Variants in ZNF475 observed in about 807,000 individuals in gnomAD.
ZNF475 encodes zinc finger protein 475.
At chr5:122,166,188 A>C in the ZNF475 span, among the ~76,000 whole-genome samples, 5 of 152,358 alleles carry the variant, frequency 3.3e-5, no homozygotes, top group East Asian at 9.6e-4. Flanking sequence ...ATGGTGTGAC[A>C]CAAGGGGAGC....
the ZNF475 span, among the ~76,000 whole-genome samples, chr5:122,163,555 A>G: frequency 1.3e-5 from 2 of 152,242 alleles, no homozygotes; most frequent in African/African-American, 4.8e-5. Flanking sequence ...GGAAGGAATC[A>G]GGAGTGTGGA....
chr5:122,174,467 G>A, the ZNF475 span, among the ~76,000 whole-genome samples: 1 of 152,178 alleles, frequency 6.6e-6, no homozygotes, highest in Admixed American at 6.5e-5. Flanking sequence ...CTAGAGCATG[G>A]CTTAGGAGTA....
At chr5:122,174,318 G>C in the ZNF475 span, among the ~76,000 whole-genome samples, 1 of 152,222 alleles carries the variant, frequency 6.6e-6, no homozygotes, top group Admixed American at 6.5e-5. Flanking sequence ...CCACAAGTTG[G>C]AGATTGCTCA....
chr5:122,172,990 G>A, the ZNF475 span, among the ~76,000 whole-genome samples: 37 of 151,826 alleles, frequency 2.4e-4, no homozygotes, highest in African/African-American at 8.2e-4. Context: ...CCAAGATCGC[G>A]CCACTGCACT....
chr5:122,162,769 C>T, the ZNF475 span, among the ~76,000 whole-genome samples: 1 of 152,140 alleles, frequency 6.6e-6, no homozygotes, highest in East Asian at 1.9e-4. Flanking sequence ...AGAAAACCAT[C>T]CTTCATAGGA....
chr5:122,180,671 C>T, the ZNF475 span, among the ~76,000 whole-genome samples: 2 of 152,072 alleles, frequency 1.3e-5, no homozygotes, highest in African/African-American at 2.4e-5. Context: ...CCTATGTAAC[C>T]GTAGATTTGC....
the ZNF475 span, among the ~76,000 whole-genome samples, chr5:122,178,461 A>G: frequency 1.3e-5 from 2 of 152,168 alleles, no homozygotes; most frequent in South Asian, 2.1e-4. Context: ...CTAGTATCTC[A>G]TTGTGGTTTT....
the ZNF475 span, chr5:122,160,344 A>G: frequency 8.9e-7 from 1 of 1,122,978 alleles, no homozygotes; most frequent in Non-Finnish European, 1.2e-6. Flanking sequence ...ACATGTGTGG[A>G]ATATGTGTGT....
chr5:122,165,147 C>G, the ZNF475 span, among the ~76,000 whole-genome samples: 1 of 152,218 alleles, frequency 6.6e-6, no homozygotes, highest in Non-Finnish European at 1.5e-5. Flanking sequence ...TATTGAGGGA[C>G]AGCCCTTTCC....
chr5:122,174,541 T>C, the ZNF475 span, among the ~76,000 whole-genome samples: 5 of 152,306 alleles, frequency 3.3e-5, no homozygotes, highest in Non-Finnish European at 7.4e-5. Context: ...ACCACAAATA[T>C]AGAGCATGGG....
chr5:122,172,991 C>A, the ZNF475 span, among the ~76,000 whole-genome samples: 3 of 152,022 alleles, frequency 2.0e-5, no homozygotes, highest in South Asian at 6.2e-4. Context: ...CAAGATCGCG[C>A]CACTGCACTC....
the ZNF475 span, among the ~76,000 whole-genome samples, chr5:122,166,299 T>C: frequency 6.6e-6 from 1 of 152,222 alleles, no homozygotes; most frequent in Non-Finnish European, 1.5e-5. Context: ...TAATGAACTT[T>C]GAAGTGCCTC....
the ZNF475 span, among the ~76,000 whole-genome samples, chr5:122,160,606 T>C: frequency 1.3e-5 from 2 of 152,198 alleles, no homozygotes; most frequent in Admixed American, 6.5e-5. Flanking sequence ...TTTCTTTGCA[T>C]TGGCGCTTCT....
the ZNF475 span, chr5:122,182,512 A>C: frequency 6.6e-7 from 1 of 1,512,042 alleles, no homozygotes; most frequent in Non-Finnish European, 8.8e-7. Flanking sequence ...TATGATCTTG[A>C]TGCTTTAAAT....
At chr5:122,179,563 G>T in the ZNF475 span, 1 of 1,507,332 alleles carries the variant, frequency 6.6e-7, no homozygotes, top group Non-Finnish European at 8.8e-7. Context: ...ACAATGATAC[G>T]GCGTCCACCA....
At chr5:122,178,052 T>C in the ZNF475 span, among the ~76,000 whole-genome samples, 7 of 152,300 alleles carry the variant, frequency 4.6e-5, no homozygotes, top group African/African-American at 1.7e-4. Flanking sequence ...GTTTCATCCA[T>C]GTCCCTGCAA....
At chr5:122,170,357 T>A in the ZNF475 span, among the ~76,000 whole-genome samples, 1 of 152,176 alleles carries the variant, frequency 6.6e-6, no homozygotes, top group Admixed American at 6.5e-5. Context: ...TTACTCACAC[T>A]TCTGTCAACT....
the ZNF475 span, among the ~76,000 whole-genome samples, chr5:122,171,112 A>C: frequency 0.17 from 25,618 of 151,960 alleles, 2,446 homozygotes; most frequent in African/African-American, 0.25. Flanking sequence ...CTAGTTTGTT[A>C]TAATATTAAA....
At chr5:122,170,870 G>A in the ZNF475 span, among the ~76,000 whole-genome samples, 14 of 152,144 alleles carry the variant, frequency 9.2e-5, no homozygotes, top group South Asian at 2.1e-4. Context: ...CATCACTCCC[G>A]GGGATTCCAA....
Sources: allele counts gnomAD v4.1 joint callset (sites outside exome capture counted in the v4.1 genomes callset), GRCh38; gene constraint gnomAD v4.1.1; transcripts MANE v1.5; gene names NCBI Gene and HGNC (gene_info 2026-07-23, HGNC 2026-07-21).